Variants in MPHOSPH6 observed in about 807,000 individuals in gnomAD.
MPHOSPH6 encodes the protein M-phase phosphoprotein 6.
A neutral mutation model predicts 21.8 loss-of-function variants in MPHOSPH6; 25 were observed. The ratio of observed to expected loss-of-function variants is 1.15; its 90% CI spans 0.83 to 1.60. The LOEUF is 1.60. Among genes scored for constraint, MPHOSPH6 ranks in the 40% most tolerant of loss-of-function variants. MPHOSPH6 has a pLI of 0.00. For missense variants in MPHOSPH6, 269 were observed against 181.8 expected, an observed-to-expected ratio of 1.48 and a Z score of -2.76; for synonymous variants, 84 against 56.5, an observed-to-expected ratio of 1.49 and a Z score of -2.18.
intron 3 of MPHOSPH6, among the ~76,000 whole-genome samples, chr16:82,149,811 T>G (rs1238772649): frequency 6.6e-6 from 1 of 152,098 alleles, no homozygotes; most frequent in Non-Finnish European, 1.5e-5. Context: ...TAATTTTAAA[T>G]GCATCTCTTG....
At chr16:82,159,833 C>G (rs552736581) in intron 2 of MPHOSPH6, among the ~76,000 whole-genome samples, 1 of 152,166 alleles carries the variant, frequency 6.6e-6, no homozygotes, top group Non-Finnish European at 1.5e-5. Context: ...ACTTCAGAAC[C>G]GCCTCTCCCT....
chr16:82,153,576 T>A (rs6420437), intron 2 of MPHOSPH6, among the ~76,000 whole-genome samples: 1 of 152,060 alleles, frequency 6.6e-6, no homozygotes, highest in Admixed American at 6.6e-5. Context: ...GGGGTTATGG[T>A]GGTGGCTGGA....
chr16:82,170,030 T>C (rs1288075764), intron 1 of MPHOSPH6, 95 bp downstream of exon 1: 1 of 1,380,526 alleles, frequency 7.2e-7, no homozygotes, highest in African/African-American at 1.5e-5. Context: ...GAGGCCTCTC[T>C]GGTGTCCCTT....
At chr16:82,156,042 G>C (rs983757267) in intron 2 of MPHOSPH6, among the ~76,000 whole-genome samples, 12 of 152,034 alleles carry the variant, frequency 7.9e-5, no homozygotes, top group Admixed American at 3.3e-4. Context: ...AAAATTTCTA[G>C]AAGAAAACAG....
At chr16:82,160,585 G>A (rs12445041) in intron 2 of MPHOSPH6, among the ~76,000 whole-genome samples, 73,271 of 152,044 alleles carry the variant, frequency 0.48, 20,906 homozygotes, top group Non-Finnish European at 0.62. Context: ...TCTTGGGGCC[G>A]AAGGCAAGTC....
At chr16:82,150,318 G>A (rs1439667870) in intron 3 of MPHOSPH6, among the ~76,000 whole-genome samples, 1 of 151,886 alleles carries the variant, frequency 6.6e-6, no homozygotes, top group Admixed American at 6.6e-5. Flanking sequence ...CATAATCCCT[G>A]CCTTTTTCTT....
At position 82,164,075 on chromosome 16, in the gene MPHOSPH6, A is replaced by G. The variant is rs1906685839; in HGVS notation, c.164+7T>C. The G allele has an allele frequency of 6.3e-7, 1 of 1,588,084 alleles. No individual in the cohort carries two copies. The highest frequency in any genetic ancestry group is 1.7e-5 in the Admixed American group (1 of 59,134). The stretch of plus-strand genomic sequence containing the variant: ...AGCATCATCAGTATCAATTTTAATA[A>G]ACCTACTCTTTCTCTTTAAGCTCTG... On this transcript the variant is annotated splice_region_variant and intron_variant, in intron 2 of 4. Coordinates refer to ENST00000258169, the MANE Select transcript of MPHOSPH6 (RefSeq NM_005792.2).
intron 2 of MPHOSPH6, among the ~76,000 whole-genome samples, chr16:82,161,763 T>G (rs955965687): frequency 3.3e-5 from 5 of 152,192 alleles, no homozygotes; most frequent in Non-Finnish European, 7.3e-5. Context: ...AGGAATGCCC[T>G]TCAGTTGTTC....
At chr16:82,159,119 T>C (rs1467319849) in intron 2 of MPHOSPH6, among the ~76,000 whole-genome samples, 2 of 152,198 alleles carry the variant, frequency 1.3e-5, no homozygotes, top group South Asian at 2.1e-4. Flanking sequence ...CTGTATCACC[T>C]GTGTGAGGGG....
At chr16:82,151,716 G>C (rs1906271354) in intron 2 of MPHOSPH6, among the ~76,000 whole-genome samples, 1 of 152,194 alleles carries the variant, frequency 6.6e-6, no homozygotes, top group Admixed American at 6.5e-5. Flanking sequence ...CAGCAAGCTA[G>C]AGGCACAGCC....
intron 2 of MPHOSPH6, among the ~76,000 whole-genome samples, chr16:82,152,334 G>A (rs1007838561): frequency 2.0e-5 from 3 of 152,164 alleles, no homozygotes; most frequent in African/African-American, 7.2e-5. Flanking sequence ...AGGAGAAGTA[G>A]TGGGAAATCA....
intron 2 of MPHOSPH6, among the ~76,000 whole-genome samples, chr16:82,157,158 TGA>T (rs1010335115): frequency 6.6e-6 from 1 of 152,142 alleles, no homozygotes; most frequent in Non-Finnish European, 1.5e-5. Context: ...AAAACCACAA[TGA>T]GATGCCACTA....
chr16:82,169,126 A>T (rs1178525108), intron 1 of MPHOSPH6, among the ~76,000 whole-genome samples: 2 of 152,162 alleles, frequency 1.3e-5, no homozygotes, highest in East Asian at 3.8e-4. Flanking sequence ...AATATTTGCC[A>T]TTTTCTTGAT....
At chr16:82,153,413 C>T (rs1363462186) in intron 2 of MPHOSPH6, among the ~76,000 whole-genome samples, 2 of 152,010 alleles carry the variant, frequency 1.3e-5, no homozygotes, top group African/African-American at 4.8e-5. Flanking sequence ...TGAAGTAGAC[C>T]CCATGAATGC....
chr16:82,165,388 T>C lies in MPHOSPH6; in HGVS notation c.52-1194A>G, dbSNP rs1449149164. 2.6e-5 allele frequency among the ~76,000 whole-genome samples: 4 copies of C among 152,050 alleles called. No homozygotes were observed. The East Asian group carries it at 5.8e-4, about 22-fold the overall frequency. ...ATCCACCCGCCTCGGCCTCCCAAAGTGCTGGGATTACAGGTGTGAGCCGCT... is the reference window on the plus strand; with the variant it reads ...ATCCACCCGCCTCGGCCTCCCAAAGCGCTGGGATTACAGGTGTGAGCCGCT... On this transcript the variant is annotated intron_variant, in intron 1 of 4. Transcript: ENST00000258169.
intron 3 of MPHOSPH6, among the ~76,000 whole-genome samples, chr16:82,150,358 CCTT>C (rs1385683689): frequency 6.6e-6 from 1 of 152,146 alleles, no homozygotes; most frequent in Non-Finnish European, 1.5e-5. Context: ...CAGCCCCTCT[CCTT>C]CTCAATCTGA....
chr16:82,160,135 T>C (rs1270450976), intron 2 of MPHOSPH6, among the ~76,000 whole-genome samples: 1 of 152,168 alleles, frequency 6.6e-6, no homozygotes, highest in Non-Finnish European at 1.5e-5. Context: ...GTATCTTTAA[T>C]ATAAAAAGGA....
intron 3 of MPHOSPH6, 194 bp downstream of exon 3, chr16:82,151,230 C>T (rs1363011684): frequency 9.2e-6 from 6 of 649,202 alleles, no homozygotes; most frequent in Admixed American, 6.4e-5. Flanking sequence ...ATGAAATTAT[C>T]TACTCACCTC....
At chr16:82,149,976 T>C (rs191236389) in intron 3 of MPHOSPH6, among the ~76,000 whole-genome samples, 135 of 151,976 alleles carry the variant, frequency 8.9e-4, no homozygotes, top group African/African-American at 3.2e-3. Flanking sequence ...CCTCCAACTC[T>C]TTCACATAAA....
Sources: allele counts gnomAD v4.1 joint callset (sites outside exome capture counted in the v4.1 genomes callset), GRCh38; gene constraint gnomAD v4.1.1; transcripts MANE v1.5; gene names NCBI Gene and HGNC (gene_info 2026-07-23, HGNC 2026-07-21).